The following ACAD11 variants were observed in gnomAD, a reference collection of about 807,000 sequenced individuals.
ACAD11 encodes the protein acyl-CoA dehydrogenase family member 11.
A neutral mutation model predicts 102.2 loss-of-function variants in ACAD11; 83 were observed. The ratio of observed to expected loss-of-function variants is 0.81; its 90% CI spans 0.68 to 0.97. ACAD11 has a LOEUF of 0.97. ACAD11 is among the 50% of genes least tolerant of loss of function. The probability of loss-of-function intolerance (pLI) is 0.00; values close to 1 mark genes in which losing one functional copy is unlikely to be tolerated. For synonymous variants in ACAD11, 324 were observed against 319.8 expected (o/e 1.01, Z -0.14); for missense variants, 901 against 951.7 (o/e 0.95, Z 0.70).
chr3:132,640,132 G>A (rs1447092911), intron 4 of ACAD11, among the ~76,000 whole-genome samples: 1 of 145,224 alleles, frequency 6.9e-6, no homozygotes, highest in Non-Finnish European at 1.5e-5. Flanking sequence ...TTTTTTTTTT[G>A]AGACAGAGTC....
At chr3:132,585,652 C>A (rs1937781476) in intron 13 of ACAD11, among the ~76,000 whole-genome samples, 1 of 151,934 alleles carries the variant, frequency 6.6e-6, no homozygotes, top group Non-Finnish European at 1.5e-5. Flanking sequence ...AAGAAAAAAA[C>A]AAACAACCCC....
Position 132,628,214 on chromosome 3 carries a change from TTG to T in ACAD11, c.1070+124_1070+125del. On this transcript the variant is annotated intron_variant, in intron 8 of 19. Transcript: ENST00000264990. ...ATAGAAGAGATTTACCAAAAATCTATTGTGATTGGCAGCAGCAATCCTGGTGT... is the reference window on the plus strand; with the variant it reads ...ATAGAAGAGATTTACCAAAAATCTATTGATTGGCAGCAGCAATCCTGGTGT... 4 of 507,606 alleles carry T rather than the reference TTG, an allele frequency of 7.9e-6. No homozygotes were observed. The South Asian group carries it at 1.9e-4, about 25-fold the overall frequency. 31.4% of individuals were successfully genotyped at this position (507,606 alleles called of 1,614,324 possible). A position where few individuals can be genotyped will look rare whatever the true frequency, so the allele number is the denominator to read the frequency against.
At chr3:132,620,431 C>T (rs950635079) in intron 9 of ACAD11, 1 of 152,094 alleles carries the variant, frequency 6.6e-6, no homozygotes, top group Non-Finnish European at 1.5e-5. Flanking sequence ...TAAACAAAGC[C>T]TTAAATAACT....
intron 8 of ACAD11, chr3:132,627,089 G>A (rs1390512850): frequency 7.8e-6 from 2 of 256,394 alleles, no homozygotes; most frequent in African/African-American, 2.3e-5. Context: ...ATAGATGCAG[G>A]AGGCACAGGG....
chr3:132,640,568 G>A (rs10512873), intron 4 of ACAD11, among the ~76,000 whole-genome samples: 17,247 of 152,064 alleles, frequency 0.11, 1,503 homozygotes, highest in East Asian at 0.53. Flanking sequence ...TCCATTTCCC[G>A]AGGTATCTTT....
chr3:132,613,556 G>A (rs554919425), intron 11 of ACAD11, among the ~76,000 whole-genome samples: 1 of 152,164 alleles, frequency 6.6e-6, no homozygotes, highest in East Asian at 1.9e-4. Flanking sequence ...TAGGAAGAGA[G>A]GAAGTCAAAT....
chr3:132,652,071 G>T (rs896715491), intron 1 of ACAD11, among the ~76,000 whole-genome samples: 1 of 152,140 alleles, frequency 6.6e-6, no homozygotes, highest in Non-Finnish European at 1.5e-5. Context: ...TGGTTTGGCT[G>T]TGTCCCCACC....
In ACAD11 at chr3:132,631,461, GCACT is replaced by G; in HGVS notation, c.717_720del (p.Val240TrpfsTer15). ...CCAATGGTTGACAGCTCCCAATCCA[GCACT>G]GCTATAACTCGACACTGTAATTAAA... is the stretch of plus-strand genomic sequence containing the variant. On this transcript the variant is annotated frameshift_variant, in exon 6 of 20. Coordinates refer to ENST00000264990, the MANE Select transcript of ACAD11 (RefSeq NM_032169.5). LOFTEE classifies it high-confidence loss of function. The G allele has an allele frequency of 6.6e-7, 1 of 1,522,488 alleles. No homozygotes were observed. Among genetic ancestry groups the G allele is most frequent in the East Asian group, 2.4e-5 (1 of 41,074 alleles). 94.3% of individuals were successfully genotyped at this position (1,522,488 alleles called of 1,614,324 possible).
At chr3:132,633,283 AG>A (rs1197327842) in intron 5 of ACAD11, among the ~76,000 whole-genome samples, 34 of 152,310 alleles carry the variant, frequency 2.2e-4, no homozygotes, top group Non-Finnish European at 3.8e-4. Context: ...TTTAGCATGA[AG>A]GGTTGTTGAA....
At chr3:132,635,615 C>A (rs1034770856) in intron 5 of ACAD11, among the ~76,000 whole-genome samples, 5 of 152,144 alleles carry the variant, frequency 3.3e-5, no homozygotes, top group African/African-American at 4.8e-5. Context: ...ATAATATACA[C>A]CTCTTACACA....
chr3:132,631,676 T>C (rs1940047013), intron 5 of ACAD11, among the ~76,000 whole-genome samples, 197 bp from the exon 6 acceptor site: 1 of 152,226 alleles, frequency 6.6e-6, no homozygotes, highest in African/African-American at 2.4e-5. Context: ...TCTGGTTCCA[T>C]CGCTGGCCAT....
intron 5 of ACAD11, among the ~76,000 whole-genome samples, chr3:132,633,568 T>G (rs1940140782): frequency 6.6e-6 from 1 of 152,158 alleles, no homozygotes. Context: ...GGCTTTGGTA[T>G]CAGGATGATG....
At chr3:132,644,603 G>C (rs960903218) in intron 2 of ACAD11, among the ~76,000 whole-genome samples, 194 bp downstream of exon 2, 4 of 151,996 alleles carry the variant, frequency 2.6e-5, no homozygotes, top group Non-Finnish European at 2.9e-5. Flanking sequence ...CCTAAAGATA[G>C]ACTTACATTT....
chr3:132,628,350 G>C lies in ACAD11; in HGVS notation c.1060C>G (p.Leu354Val). 3 of 1,611,894 alleles carry C rather than the reference G, an allele frequency of 1.9e-6. No homozygotes were observed. The highest frequency in any genetic ancestry group is 2.5e-6 in the Non-Finnish European group (3 of 1,178,872). ...VQPLAETGLQ[L>V]SKRTFSTVLP... ...ATCTGTTTTCCTTACCGTTTGGAGAGTTGTAGTCCAGTTTCTGCCAGAGGT... is the reference window on the plus strand; with the variant it reads ...ATCTGTTTTCCTTACCGTTTGGAGACTTGTAGTCCAGTTTCTGCCAGAGGT... Residue 354 changes from leucine (L) to valine (V), a missense_variant, in exon 8 of 20, where the codon CTC becomes GTC. Transcript: ENST00000264990.
chr3:132,570,013 CTG>C (rs1937331663), intron 17 of ACAD11, among the ~76,000 whole-genome samples: 2 of 152,146 alleles, frequency 1.3e-5, no homozygotes, highest in South Asian at 4.1e-4. Flanking sequence ...GTATGTGAAA[CTG>C]TAATTATCTC....
At chr3:132,650,781 T>G (rs1202386076) in intron 1 of ACAD11, among the ~76,000 whole-genome samples, 2 of 152,036 alleles carry the variant, frequency 1.3e-5, no homozygotes, top group African/African-American at 4.8e-5. Flanking sequence ...ACTACTACCT[T>G]GAGACCACCG....
At chr3:132,584,488 A>G (rs1223886484) in intron 13 of ACAD11, among the ~76,000 whole-genome samples, 3 of 152,246 alleles carry the variant, frequency 2.0e-5, no homozygotes, top group Admixed American at 2.0e-4. Context: ...AATACAGTAC[A>G]CTGATGGGTC....
chr3:132,621,064 C>T (rs532849459), intron 9 of ACAD11: 1 of 152,198 alleles, frequency 6.6e-6, no homozygotes, highest in South Asian at 2.1e-4. Flanking sequence ...AAAAGAAGTT[C>T]TAACACAAGT....
chr3:132,576,607 T>C (rs1345678480), intron 16 of ACAD11, among the ~76,000 whole-genome samples: 2 of 152,238 alleles, frequency 1.3e-5, no homozygotes, highest in African/African-American at 4.8e-5. Context: ...ATCTTTTCAA[T>C]TGATGTGATA....
Sources: allele counts gnomAD v4.1 joint callset (sites outside exome capture counted in the v4.1 genomes callset), GRCh38; gene constraint gnomAD v4.1.1; transcripts MANE v1.5; gene names NCBI Gene and HGNC (gene_info 2026-07-23, HGNC 2026-07-21).